LDLRAD3: variants seen among roughly 807,000 people sequenced by gnomAD.
LDLRAD3 encodes the protein low density lipoprotein receptor class A domain containing 3, also known as low-density lipoprotein receptor class A domain-containing protein 3.
A neutral mutation model predicts 29.4 loss-of-function variants in LDLRAD3; 20 were observed. That is an observed-to-expected ratio of 0.68 (90% CI 0.48 to 0.99). The LOEUF is 0.99. Among genes scored for constraint, LDLRAD3 ranks in the 50% least tolerant of loss-of-function variants. The pLI is 0.00. For synonymous variants in LDLRAD3, 157 were observed against 192.7 expected (o/e 0.81, Z 1.53); for missense variants, 420 against 454.3 (o/e 0.92, Z 0.69).
At chr11:36,076,802 T>C (rs1853018524) in intron 2 of LDLRAD3, among the ~76,000 whole-genome samples, 1 of 152,216 alleles carries the variant, frequency 6.6e-6, no homozygotes, top group Non-Finnish European at 1.5e-5. Flanking sequence ...TGATGACCCA[T>C]ACCCTTGGGA....
At chr11:35,995,674 A>G (rs1468849646) in intron 1 of LDLRAD3, among the ~76,000 whole-genome samples, 1 of 152,254 alleles carries the variant, frequency 6.6e-6, no homozygotes, top group Non-Finnish European at 1.5e-5. Flanking sequence ...TGTTCCATCT[A>G]CATTGAAAAT....
chr11:36,086,213 C>T (rs2133261739), intron 3 of LDLRAD3, among the ~76,000 whole-genome samples: 1 of 152,240 alleles, frequency 6.6e-6, no homozygotes, highest in Admixed American at 6.5e-5. Context: ...GCTATAAAAT[C>T]TTCATCATAT....
intron 4 of LDLRAD3, among the ~76,000 whole-genome samples, chr11:36,100,892 G>A (rs1251114603): frequency 1.3e-5 from 2 of 152,190 alleles, no homozygotes; most frequent in Non-Finnish European, 2.9e-5. Context: ...GTATTTTACT[G>A]AAGCAGATTT....
At chr11:35,973,768 A>G (rs1373181379) in intron 1 of LDLRAD3, among the ~76,000 whole-genome samples, 3 of 152,016 alleles carry the variant, frequency 2.0e-5, no homozygotes, top group African/African-American at 7.2e-5. Flanking sequence ...ACCGTGCCCA[A>G]TCACATTTGT....
In LDLRAD3 at chr11:35,989,380, T is replaced by G. The variant is rs148613698; in HGVS notation, c.46+45236T>G. Reference sequence around the variant, plus strand: ...GCTCTTTTTTGGTTCCATATGAATTTTAGAATTACTTTTCTCTAATTCTGT... The same window carrying G: ...GCTCTTTTTTGGTTCCATATGAATTGTAGAATTACTTTTCTCTAATTCTGT... On this transcript the variant is annotated intron_variant, in intron 1 of 5. Coordinates refer to ENST00000315571, the MANE Select transcript of LDLRAD3 (RefSeq NM_174902.4). Among the ~76,000 whole-genome samples the G allele has an allele frequency of 5.7e-3, 871 of 152,326 alleles. 10 individuals carry two copies. The highest frequency in any genetic ancestry group is 0.019 in the African/African-American group (780 of 41,562).
intron 4 of LDLRAD3, among the ~76,000 whole-genome samples, chr11:36,124,583 G>T (rs1472402466): frequency 6.6e-6 from 1 of 152,048 alleles, no homozygotes; most frequent in Non-Finnish European, 1.5e-5. Context: ...AGTGAAATCT[G>T]AACCCTTTAC....
At chr11:36,116,544 G>A (rs546094920) in intron 4 of LDLRAD3, among the ~76,000 whole-genome samples, 8 of 152,194 alleles carry the variant, frequency 5.3e-5, no homozygotes, top group Admixed American at 1.3e-4. Flanking sequence ...GCTGAATCTC[G>A]TATTAGCCTT....
intron 4 of LDLRAD3, among the ~76,000 whole-genome samples, chr11:36,148,266 G>T (rs1189288667): frequency 6.6e-6 from 1 of 152,100 alleles, no homozygotes; most frequent in Non-Finnish European, 1.5e-5. Flanking sequence ...TCCTCTCCTT[G>T]GTTCTCAACC....
intron 3 of LDLRAD3, among the ~76,000 whole-genome samples, chr11:36,093,335 A>G (rs1006302591): frequency 6.6e-6 from 1 of 152,206 alleles, no homozygotes; most frequent in African/African-American, 2.4e-5. Context: ...TACCAAATAT[A>G]ATTAGAAATC....
At position 36,154,399 on chromosome 11, in the gene LDLRAD3, C is replaced by G. The variant is rs573065311; in HGVS notation, c.454+55938C>G. On this transcript the variant is annotated intron_variant, in intron 4 of 5. Transcript: ENST00000315571. ...ACAGCCTAGGGGCTCTTGGACCCCA[C>G]TTATTCCCTTTGTACCCAAGTAGCT... Among the ~76,000 whole-genome samples the G allele has an allele frequency of 2.6e-4, 39 of 152,310 alleles. No homozygotes were observed. The South Asian group carries it at 7.9e-3, about 31-fold the overall frequency.
At chr11:35,948,389 T>G (rs1046351004) in intron 1 of LDLRAD3, among the ~76,000 whole-genome samples, 1 of 152,070 alleles carries the variant, frequency 6.6e-6, no homozygotes, top group African/African-American at 2.4e-5. Flanking sequence ...GTTGTTGTTT[T>G]GCCAGTGCCT....
intron 1 of LDLRAD3, among the ~76,000 whole-genome samples, chr11:35,974,361 G>T (rs1416447822): frequency 1.3e-5 from 2 of 151,284 alleles, no homozygotes; most frequent in South Asian, 2.1e-4. Context: ...ATTCATTCTT[G>T]CTCACTGACT....
chr11:36,055,614 A>T (rs900349238), intron 2 of LDLRAD3, among the ~76,000 whole-genome samples: 5 of 152,236 alleles, frequency 3.3e-5, no homozygotes, highest in Non-Finnish European at 7.3e-5. Flanking sequence ...TGGTTCAGCC[A>T]TTGCCTGTGC....
intron 1 of LDLRAD3, chr11:35,967,432 T>A (rs1851355861): frequency 3.1e-6 from 1 of 321,792 alleles, no homozygotes; most frequent in Non-Finnish European, 6.0e-6. Context: ...CTTCAGCCAT[T>A]GCAGTGATTA....
chr11:35,958,467 C>T (rs263090), intron 1 of LDLRAD3, among the ~76,000 whole-genome samples: 2,341 of 152,218 alleles, frequency 0.015, 63 homozygotes, highest in African/African-American at 0.054. Context: ...CTGTTCAGTC[C>T]AATCTGGCCG....
intron 4 of LDLRAD3, chr11:36,183,980 TC>T (rs764573165): frequency 2.6e-5 from 8 of 311,322 alleles, no homozygotes; most frequent in South Asian, 1.0e-4. Context: ...TTTTTTTTTT[TC>T]CCGAGATGGA....
chr11:36,211,645 C>T lies in LDLRAD3; in HGVS notation c.455-15440C>T, dbSNP rs372867256. ...GAACCAGGTTTAACACTGAGGCCTG[C>T]AGCTCCAGTGACTGCCTGGGGTCCC... is the stretch of plus-strand genomic sequence containing the variant. On this transcript the variant is annotated intron_variant, in intron 4 of 5. Transcript: ENST00000315571. 7.9e-4 allele frequency among the ~76,000 whole-genome samples: 121 copies of T among 152,314 alleles called. 1 individual carries two copies. The South Asian group carries it at 0.011, about 13-fold the overall frequency.
At chr11:36,149,026 C>T (rs147424303) in intron 4 of LDLRAD3, among the ~76,000 whole-genome samples, 25 of 152,282 alleles carry the variant, frequency 1.6e-4, no homozygotes, top group African/African-American at 2.6e-4. Context: ...GGCCCCATGT[C>T]GCACACTGGG....
intron 3 of LDLRAD3, among the ~76,000 whole-genome samples, chr11:36,087,878 TAA>T (rs1318660258): frequency 1.3e-5 from 2 of 152,062 alleles, no homozygotes; most frequent in Admixed American, 6.6e-5. Flanking sequence ...CACACCAGGC[TAA>T]ATTTTTTGTC....
Sources: gnomAD v4.1 joint callset for allele counts (sites outside exome capture counted in the v4.1 genomes callset) on GRCh38, gnomAD v4.1.1 for gene constraint, MANE v1.5 for transcripts, NCBI Gene and HGNC (gene_info 2026-07-23, HGNC 2026-07-21) for gene names.